Variants in PATJ observed in about 807,000 individuals in gnomAD.
The protein encoded by PATJ is PATJ crumbs cell polarity complex component.
A neutral mutation model predicts 224.9 loss-of-function variants in PATJ; 190 were observed. That is an observed-to-expected ratio of 0.84 (90% CI 0.75 to 0.95). The LOEUF is 0.95. PATJ is among the 40% of genes least tolerant of loss of function. The pLI is 0.00. For synonymous variants in PATJ, 769 were observed against 820.3 expected (o/e 0.94, Z 1.07); for missense variants, 2,121 against 2,270.3 (o/e 0.93, Z 1.34).
chr1:61,831,637 C>T (rs542496512), intron 16 of PATJ, among the ~76,000 whole-genome samples: 1 of 152,278 alleles, frequency 6.6e-6, no homozygotes, highest in Non-Finnish European at 1.5e-5. Flanking sequence ...GAGATACCAT[C>T]TCATACCAGT....
chr1:61,967,460 G>A (rs1039556160), intron 27 of PATJ, among the ~76,000 whole-genome samples: 1 of 152,094 alleles, frequency 6.6e-6, no homozygotes, highest in Non-Finnish European at 1.5e-5. Flanking sequence ...TTGATTAGAT[G>A]TTAGAAAAAA....
chr1:61,832,268 T>TG (rs1280062475), intron 16 of PATJ, among the ~76,000 whole-genome samples: 4 of 152,150 alleles, frequency 2.6e-5, no homozygotes, highest in African/African-American at 9.7e-5. Context: ...ATTAGACTCC[T>TG]GTGACACACA....
intron 17 of PATJ, among the ~76,000 whole-genome samples, chr1:61,848,146 T>A (rs563114781): frequency 6.6e-6 from 1 of 152,186 alleles, no homozygotes; most frequent in Non-Finnish European, 1.5e-5. Context: ...AAAGAAGGGA[T>A]CATAACTCAT....
chr1:61,867,942 C>T (rs1665678992), intron 20 of PATJ, among the ~76,000 whole-genome samples: 1 of 152,206 alleles, frequency 6.6e-6, no homozygotes, highest in South Asian at 2.1e-4. Flanking sequence ...AGAGGGTGCC[C>T]TCCCAAATGG....
In PATJ at chr1:61,969,874, A is replaced by G. The variant is rs1241290935; in HGVS notation, c.3671-20294A>G. Among the ~76,000 whole-genome samples, 3 of 151,990 alleles carry G rather than the reference A, an allele frequency of 2.0e-5. No individual in the cohort carries two copies. The East Asian group carries it at 5.8e-4, about 30-fold the overall frequency. On this transcript the variant is annotated intron_variant, in intron 27 of 43. Coordinates refer to ENST00000642238, the MANE Select transcript of PATJ (RefSeq NM_001350145.3). ...ACACCTGGCTAATTTTGGTATTTTT[A>G]GTAGAGATGGGGTTTCACCATGTTG...
At chr1:61,878,138 G>A (rs1667586657) in intron 21 of PATJ, among the ~76,000 whole-genome samples, 1 of 152,230 alleles carries the variant, frequency 6.6e-6, no homozygotes, top group Non-Finnish European at 1.5e-5. Context: ...TTTTTCCAGT[G>A]TAGCTGGATG....
At chr1:62,088,566 C>G (rs1170047120) in intron 33 of PATJ, among the ~76,000 whole-genome samples, 1 of 152,104 alleles carries the variant, frequency 6.6e-6, no homozygotes, top group Non-Finnish European at 1.5e-5. Context: ...CTAGCTGGGG[C>G]AGACTTCTTA....
At chr1:61,872,782 G>A (rs966709944) in intron 20 of PATJ, among the ~76,000 whole-genome samples, 5 of 152,110 alleles carry the variant, frequency 3.3e-5, no homozygotes, top group South Asian at 2.1e-4. Context: ...TTGCTGAAGC[G>A]CCCCACTACA....
intron 14 of PATJ, among the ~76,000 whole-genome samples, 156 bp downstream of exon 14, chr1:61,808,686 G>A (rs567233974): frequency 6.6e-6 from 1 of 152,130 alleles, no homozygotes; most frequent in African/African-American, 2.4e-5. Context: ...CACTGAACTC[G>A]GCCCATTTTT....
chr1:61,847,239 A>G (rs1021588295), intron 17 of PATJ, among the ~76,000 whole-genome samples: 2 of 152,222 alleles, frequency 1.3e-5, no homozygotes, highest in African/African-American at 4.8e-5. Flanking sequence ...GGTGCTTAAA[A>G]TAGGTTTTTA....
Position 62,121,187 on chromosome 1 carries a change from C to A in PATJ, c.4897C>A (p.Gln1633Lys). The change falls in exon 38 of 44, where the codon CAG (glutamine) becomes AAG (lysine). Residue 1633 changes from glutamine to lysine, a missense_variant. By Grantham distance (53) the Gln-to-Lys change is moderately conservative. Transcript: ENST00000642238. ...CCCTGGGTCTTTCTTTCAGGGTAGT[C>A]AGCAGAGTGCACACAGCAGCTGTCA... Reference protein sequence around the residue: ...RTTSQNSQGSQQSAHSSCHPS... With the variant: ...RTTSQNSQGSKQSAHSSCHPS... 1 of 1,611,826 alleles carries A rather than the reference C, an allele frequency of 6.2e-7. No individual in the cohort carries two copies. The highest frequency in any genetic ancestry group is 8.5e-7 in the Non-Finnish European group (1 of 1,178,452).
chr1:61,980,258 C>G (rs1293940888), intron 27 of PATJ, among the ~76,000 whole-genome samples: 1 of 151,866 alleles, frequency 6.6e-6, no homozygotes, highest in Non-Finnish European at 1.5e-5. Context: ...GAACTCTAGC[C>G]TGGTCAACAG....
intron 29 of PATJ, among the ~76,000 whole-genome samples, chr1:62,021,590 A>G (rs1328973039): frequency 6.6e-6 from 1 of 152,118 alleles, no homozygotes; most frequent in Non-Finnish European, 1.5e-5. Context: ...GTGGATTAAA[A>G]ATATATATAT....
At chr1:62,010,845 G>A (rs964751383) in intron 28 of PATJ, among the ~76,000 whole-genome samples, 3 of 152,156 alleles carry the variant, frequency 2.0e-5, no homozygotes, top group Admixed American at 1.3e-4. Context: ...ATTGTTTAAT[G>A]TAACCATCTT....
intron 30 of PATJ, among the ~76,000 whole-genome samples, chr1:62,044,499 G>C (rs971006047): frequency 7.2e-5 from 11 of 152,246 alleles, no homozygotes; most frequent in Admixed American, 5.9e-4. Flanking sequence ...AGCCATTGCT[G>C]TCGTCTAGTA....
At chr1:61,977,215 G>A (rs1229603989) in intron 27 of PATJ, among the ~76,000 whole-genome samples, 2 of 152,002 alleles carry the variant, frequency 1.3e-5, no homozygotes, top group African/African-American at 2.4e-5. Flanking sequence ...AGCCACCCGC[G>A]GAGCTGGGAT....
chr1:61,743,630 T>C (rs1278851075), intron 1 of PATJ, among the ~76,000 whole-genome samples: 1 of 152,214 alleles, frequency 6.6e-6, no homozygotes, highest in Non-Finnish European at 1.5e-5. Flanking sequence ...TTTGCACACA[T>C]CTATTTGAAA....
intron 28 of PATJ, among the ~76,000 whole-genome samples, chr1:61,993,197 T>G (rs1386171498): frequency 6.6e-6 from 1 of 152,206 alleles, no homozygotes; most frequent in Non-Finnish European, 1.5e-5. Flanking sequence ...ATTAATTTGC[T>G]AGGGTGGCTC....
At chr1:61,827,636 G>A in intron 16 of PATJ, 53 bp downstream of exon 16, 1 of 1,554,018 alleles carries the variant, frequency 6.4e-7, no homozygotes, top group Non-Finnish European at 8.8e-7. Context: ...CATCAAAGAT[G>A]CCCCGAAGAC....
Sources: gnomAD v4.1 joint callset for allele counts (sites outside exome capture counted in the v4.1 genomes callset) on GRCh38, gnomAD v4.1.1 for gene constraint, MANE v1.5 for transcripts, NCBI Gene and HGNC (gene_info 2026-07-23, HGNC 2026-07-21) for gene names.